The following SDK2 variants were observed in gnomAD, a reference collection of about 807,000 sequenced individuals.
SDK2 encodes sidekick cell adhesion molecule 2, also known as protein sidekick-2.
SDK2 carries 105 observed loss-of-function variants against 253.9 expected under a neutral mutation model. The ratio of observed to expected loss-of-function variants is 0.41; its 90% CI spans 0.35 to 0.49. The LOEUF (loss-of-function observed/expected upper bound fraction) is 0.49, where lower values mean the gene tolerates loss of function less well. SDK2 is among the 20% of genes least tolerant of loss of function. The pLI is 0.06. For synonymous variants in SDK2, 1,249 were observed against 1,234.9 expected (o/e 1.01, Z -0.24); for missense variants, 2,608 against 3,003.0 (o/e 0.87, Z 3.07).
intron 12 of SDK2, 39 bp from the exon 13 acceptor site, chr17:73,424,131 A>C (rs771757602): frequency 7.7e-6 from 12 of 1,568,232 alleles, no homozygotes; most frequent in South Asian, 1.1e-5. Context: ...GAGGGAGAGG[A>C]AGGTACCTTG....
chr17:73,592,238 T>C lies in SDK2; in HGVS notation c.64+51787A>G, dbSNP rs75296527. On this transcript the variant is annotated intron_variant, in intron 1 of 44. Coordinates refer to ENST00000392650, the MANE Select transcript of SDK2 (RefSeq NM_001144952.2). The stretch of plus-strand genomic sequence containing the variant: ...CCATGCCTCCGTGGGCCTGGCACTG[T>C]ACACTTCTTGGAAAGATCTAGGCCT... Among the ~76,000 whole-genome samples the C allele has an allele frequency of 5.9e-3, 906 of 152,326 alleles. 12 individuals carry two copies. The highest frequency in any genetic ancestry group is 0.021 in the African/African-American group (868 of 41,574).
In SDK2 at chr17:73,466,888, A is replaced by G. The variant is rs1443869426; in HGVS notation, c.331+5224T>C. 2.6e-5 allele frequency among the ~76,000 whole-genome samples: 4 copies of G among 152,118 alleles called. No homozygotes were observed. In the East Asian group the frequency reaches 7.7e-4, roughly 29 times the overall value. On this transcript the variant is annotated intron_variant, in intron 3 of 44. Coordinates refer to ENST00000392650, the MANE Select transcript of SDK2 (RefSeq NM_001144952.2). ...CAGATGGGAAAACTGAGGTCCAGAGAGGGGAAGGGAGGTGCTCAAAGTCCC... is the reference window on the plus strand; with the variant it reads ...CAGATGGGAAAACTGAGGTCCAGAGGGGGGAAGGGAGGTGCTCAAAGTCCC...
intron 1 of SDK2, among the ~76,000 whole-genome samples, chr17:73,594,118 T>C (rs914523494): frequency 2.0e-5 from 3 of 152,206 alleles, no homozygotes; most frequent in Admixed American, 6.5e-5. Flanking sequence ...AACCTGGTCA[T>C]GTCAGGCCTC....
chr17:73,505,579 T>C lies in SDK2; in HGVS notation c.224+1859A>G, dbSNP rs192473798. Among the ~76,000 whole-genome samples the C allele has an allele frequency of 9.4e-5, 14 of 149,634 alleles. No homozygotes were observed. The East Asian group carries it at 2.4e-3, about 26-fold the overall frequency. On this transcript the variant is annotated intron_variant, in intron 2 of 44. Transcript: ENST00000392650. Reference sequence around the variant, plus strand: ...TGGACCTCATCATCATCATCATCAATAGCTGGACCTCATCATCGTCAATAG... The same window carrying C: ...TGGACCTCATCATCATCATCATCAACAGCTGGACCTCATCATCGTCAATAG...
chr17:73,359,508 C>CA (rs768179836), intron 39 of SDK2, among the ~76,000 whole-genome samples: 2 of 152,296 alleles, frequency 1.3e-5, no homozygotes, highest in East Asian at 1.9e-4. Flanking sequence ...TCATCCTGCA[C>CA]AGGACAGTAC....
intron 34 of SDK2, among the ~76,000 whole-genome samples, chr17:73,380,233 C>T (rs953561741): frequency 6.6e-6 from 1 of 152,130 alleles, no homozygotes; most frequent in Non-Finnish European, 1.5e-5. Context: ...AGGGGTGTCA[C>T]CCTTGCCTAG....
chr17:73,339,492 G>T (rs2062414880), intron 44 of SDK2, among the ~76,000 whole-genome samples: 1 of 151,786 alleles, frequency 6.6e-6, no homozygotes, highest in African/African-American at 2.4e-5. Flanking sequence ...AAAGTACTGG[G>T]ATTACAGGTG....
intron 2 of SDK2, among the ~76,000 whole-genome samples, chr17:73,506,065 G>A (rs1475155274): frequency 2.0e-5 from 3 of 152,232 alleles, no homozygotes; most frequent in Non-Finnish European, 4.4e-5. Flanking sequence ...GCCGGAAGAA[G>A]TCAGGGGCAG....
intron 1 of SDK2, among the ~76,000 whole-genome samples, chr17:73,635,863 A>C (rs1325489330): frequency 1.3e-5 from 2 of 151,654 alleles, no homozygotes; most frequent in Non-Finnish European, 2.9e-5. Flanking sequence ...AGAGAGATGG[A>C]GACAAGGAGG....
chr17:73,494,969 G>A (rs1435861121), intron 2 of SDK2, among the ~76,000 whole-genome samples: 1 of 152,244 alleles, frequency 6.6e-6, no homozygotes, highest in Non-Finnish European at 1.5e-5. Context: ...GATCAGAGGA[G>A]GCGGGAGTGA....
At chr17:73,370,108 A>G (rs780136586) in intron 36 of SDK2, among the ~76,000 whole-genome samples, 32 of 152,188 alleles carry the variant, frequency 2.1e-4, no homozygotes, top group Non-Finnish European at 3.7e-4. Context: ...CGGCTTTTCA[A>G]TTTCTCATTT....
chr17:73,473,286 C>T (rs779593474), intron 2 of SDK2, among the ~76,000 whole-genome samples: 4 of 152,296 alleles, frequency 2.6e-5, no homozygotes, highest in South Asian at 2.1e-4. Context: ...GGAGGAGGCA[C>T]GTCAGTGAGA....
intron 10 of SDK2, among the ~76,000 whole-genome samples, chr17:73,432,077 G>A (rs1416923961): frequency 6.6e-6 from 1 of 152,058 alleles, no homozygotes; most frequent in Non-Finnish European, 1.5e-5. Flanking sequence ...GGCATCCTGC[G>A]GCAGGATGCT....
chr17:73,411,569 G>A (rs774957495), intron 18 of SDK2, among the ~76,000 whole-genome samples: 8 of 152,128 alleles, frequency 5.3e-5, no homozygotes, highest in Non-Finnish European at 1.0e-4. Flanking sequence ...GTTGCTGGGG[G>A]CAGGTCCTAC....
In SDK2 at chr17:73,338,692, C is replaced by G. The variant is rs2062403510; in HGVS notation, c.6414G>C (p.Gln2138His). 2 of 1,605,002 alleles carry G rather than the reference C, an allele frequency of 1.2e-6. No homozygotes were observed. The highest frequency in any genetic ancestry group is 4.5e-5 in the East Asian group (2 of 44,728). The stretch of plus-strand genomic sequence containing the variant: ...GCTGACTTGGGGGGTTAGGGGGGTT[C>G]TGGGGCGTTGGAGTCCGACTGGCCT... ...RPKASRTPTPQNPPNPPSQQS... is the reference protein window; with the variant it reads ...RPKASRTPTPHNPPNPPSQQS... Residue 2138 changes from glutamine to histidine, a missense_variant, in exon 45 of 45, where the codon CAG becomes CAC. Gln to His is a conservative substitution (Grantham distance 24, BLOSUM62 0). Around this residue, in one of 2 missense-constraint regions of SDK2, gnomAD observed 1,103 missense variants for 1,143.9 expected, o/e 0.96. Transcript: ENST00000392650. This position sits in a 1 kb window ranked among gnomAD's most constrained non-coding sequence, Gnocchi z 5.0.
rs1279911895 is a variant in SDK2, at chr17:73,422,295, G to A, written c.2037C>T (p.Asp679=). 3.1e-6 allele frequency: 5 copies of A among 1,613,878 alleles called. No individual in the cohort carries two copies. In the South Asian group the frequency reaches 4.4e-5, roughly 14 times the overall value. Residue 679 remains aspartate (D), a synonymous_variant, in exon 15 of 45, where the codon GAC becomes GAT. Coordinates refer to ENST00000392650, the MANE Select transcript of SDK2 (RefSeq NM_001144952.2). ...AGCGCCAGTGCCCTCACCTCTCGGT[G>A]TCTTTGCTGAACTGTCCTTTCCCCA... is the stretch of plus-strand genomic sequence containing the variant. The part of the protein sequence containing the change: ...NDVGKGQFSK[D]TERVSLPEEP...
chr17:73,379,327 A>C lies in SDK2; in HGVS notation c.4865-35T>G. On this transcript the variant is annotated intron_variant, in intron 35 of 44. Transcript: ENST00000392650. The surrounding 1 kb of genome is among the most constrained non-coding windows in gnomAD (Gnocchi z 4.5). ...GTGCAGGGTAGGCAGTGAGCATGCG[A>C]GTAAACCTGGGAGGGGAGGTGGGCT... 1 of 889,498 alleles carries C rather than the reference A, an allele frequency of 1.1e-6. No homozygotes were observed. Among genetic ancestry groups the C allele is most frequent in the Non-Finnish European group, 1.7e-6 (1 of 592,784 alleles). 55.1% of individuals were successfully genotyped at this position (889,498 alleles called of 1,614,324 possible).
At chr17:73,468,307 A>T (rs1196118180) in intron 3 of SDK2, among the ~76,000 whole-genome samples, 2 of 152,128 alleles carry the variant, frequency 1.3e-5, no homozygotes, top group Admixed American at 6.5e-5. Flanking sequence ...ACTGTTTGGG[A>T]GCTGGCTAGA....
At chr17:73,482,172 G>A (rs2145712848) in intron 2 of SDK2, among the ~76,000 whole-genome samples, 1 of 152,200 alleles carries the variant, frequency 6.6e-6, no homozygotes, top group African/African-American at 2.4e-5. Context: ...CTACTCAAGA[G>A]GCTGAGGCAG....
Sources: gnomAD v4.1 joint callset for allele counts (sites outside exome capture counted in the v4.1 genomes callset) on GRCh38, gnomAD v4.1.1 for gene constraint, gnomAD v4.1.1 regional missense constraint, Gnocchi (gnomAD v3.1) non-coding constraint, MANE v1.5 for transcripts, NCBI Gene and HGNC (gene_info 2026-07-23, HGNC 2026-07-21) for gene names.